The following ZNF804B variants were observed in gnomAD, a reference collection of about 807,000 sequenced individuals.
ZNF804B encodes zinc finger protein 804B.
In ZNF804B, 80 loss-of-function variants were observed where a neutral mutation model predicts 101.4. That is an observed-to-expected ratio of 0.79 (90% confidence interval 0.66 to 0.95). ZNF804B has a LOEUF of 0.95. Ranked by LOEUF, ZNF804B falls within the 40% of genes least tolerant of loss-of-function variation. ZNF804B has a pLI of 0.00. For synonymous variants in ZNF804B, 622 were observed against 558.8 expected, an observed-to-expected ratio of 1.11 and a Z score of -1.59; for missense variants, 1,673 against 1,561.9, an observed-to-expected ratio of 1.07 and a Z score of -1.20.
intron 1 of ZNF804B, among the ~76,000 whole-genome samples, chr7:89,057,376 G>A (rs1289028012): frequency 1.3e-5 from 2 of 151,990 alleles, no homozygotes; most frequent in African/African-American, 4.8e-5. Context: ...CCCTGGGGAG[G>A]GGGCAGTTTC....
intron 1 of ZNF804B, among the ~76,000 whole-genome samples, chr7:89,028,855 A>G (rs1788787583): frequency 6.6e-6 from 1 of 152,148 alleles, no homozygotes; most frequent in Non-Finnish European, 1.5e-5. Context: ...ACCTGGAACA[A>G]TTTAAGTGCT....
chr7:89,279,036 G>T (rs1434245915), intron 2 of ZNF804B, among the ~76,000 whole-genome samples: 7 of 152,148 alleles, frequency 4.6e-5, no homozygotes, highest in African/African-American at 1.7e-4. Flanking sequence ...TTGAGCAGTG[G>T]TTTGTAGTTC....
rs572574192 is a variant in ZNF804B, at chr7:88,925,279, G to A, written c.108+165195G>A. Among the ~76,000 whole-genome samples, 15 of 152,178 alleles carry A rather than the reference G, an allele frequency of 9.9e-5. No individual in the cohort carries two copies. In the East Asian group the frequency reaches 1.4e-3, roughly 14 times the overall value. ...CAATCTCAGGCCCTGTGCCACTGCC[G>A]AGGCGACTGCTGCTTCCTACCTGTT... On this transcript the variant is annotated intron_variant, in intron 1 of 3. Transcript: ENST00000333190.
chr7:89,334,006 G>T lies in ZNF804B; in HGVS notation c.1024G>T (p.Glu342Ter), dbSNP rs778624854. 25 of 1,613,292 alleles carry T rather than the reference G, an allele frequency of 1.5e-5. No individual in the cohort carries two copies. Among genetic ancestry groups the T allele is most frequent in the Non-Finnish European group, 2.0e-5 (24 of 1,179,692 alleles). The change falls in exon 4 of 4, where the codon GAA becomes TAA. Residue 342 changes from glutamate to a stop codon, truncating the protein, a stop_gained. Coordinates refer to ENST00000333190, the MANE Select transcript of ZNF804B (RefSeq NM_181646.5). LOFTEE classifies it high-confidence loss of function. Reference protein sequence around the residue: ...SDVDFTPTSREKETRNTLKNT... With the variant: ...SDVDFTPTSR Reference sequence around the variant, plus strand: ...TGTAGATTTTACTCCTACCAGCAGAGAAAAAGAAACTAGAAATACATTGAA... The same window carrying T: ...TGTAGATTTTACTCCTACCAGCAGATAAAAAGAAACTAGAAATACATTGAA...
At chr7:89,038,947 T>G (rs1024767571) in intron 1 of ZNF804B, among the ~76,000 whole-genome samples, 1 of 152,112 alleles carries the variant, frequency 6.6e-6, no homozygotes, top group Non-Finnish European at 1.5e-5. Context: ...GTGGCATTTT[T>G]ACTGATGAAC....
intron 1 of ZNF804B, among the ~76,000 whole-genome samples, chr7:89,092,075 T>C (rs1219922527): frequency 1.3e-5 from 2 of 152,164 alleles, no homozygotes. Context: ...CCCATTGTTC[T>C]GGAGGCTGAG....
chr7:88,935,665 A>T (rs1035731854), intron 1 of ZNF804B, among the ~76,000 whole-genome samples: 2 of 152,032 alleles, frequency 1.3e-5, no homozygotes, highest in African/African-American at 4.8e-5. Context: ...AATGTCCAAG[A>T]TGCCATATTT....
intron 1 of ZNF804B, among the ~76,000 whole-genome samples, chr7:89,011,237 C>A (rs1788457243): frequency 1.3e-5 from 2 of 152,136 alleles, no homozygotes; most frequent in Non-Finnish European, 2.9e-5. Flanking sequence ...AAAACCCTTC[C>A]CATGATCCAA....
chr7:88,935,525 T>C (rs760998292), intron 1 of ZNF804B, among the ~76,000 whole-genome samples: 41 of 151,076 alleles, frequency 2.7e-4, no homozygotes, highest in Middle Eastern at 3.4e-3. Flanking sequence ...TCTATTTATT[T>C]TTTATTAATT....
intron 1 of ZNF804B, among the ~76,000 whole-genome samples, chr7:88,810,165 G>A (rs1422334933): frequency 6.6e-6 from 1 of 151,778 alleles, no homozygotes; most frequent in Non-Finnish European, 1.5e-5. Flanking sequence ...TTAGTTAACA[G>A]GTATCCCTGA....
intron 1 of ZNF804B, among the ~76,000 whole-genome samples, chr7:88,785,967 A>T (rs1164221939): frequency 6.6e-6 from 1 of 152,032 alleles, no homozygotes; most frequent in Admixed American, 6.6e-5. Flanking sequence ...CACTTATTAT[A>T]ATTGTTTAAT....
At chr7:88,952,732 A>G (rs1176699978) in intron 1 of ZNF804B, among the ~76,000 whole-genome samples, 1 of 151,836 alleles carries the variant, frequency 6.6e-6, no homozygotes, top group African/African-American at 2.4e-5. Context: ...TAATTCCCAT[A>G]GATGCCTTTG....
intron 2 of ZNF804B, among the ~76,000 whole-genome samples, chr7:89,298,126 AAT>A (rs58674861): frequency 0.9 from 107,721 of 120,176 alleles, 48,386 homozygotes; most frequent in East Asian, 0.99. Context: ...ATTTCATATA[AAT>A]ATATATATAT....
intron 1 of ZNF804B, among the ~76,000 whole-genome samples, chr7:89,174,466 G>T (rs1791287617): frequency 6.6e-6 from 1 of 151,962 alleles, no homozygotes; most frequent in Non-Finnish European, 1.5e-5. Context: ...ACTCCATTGT[G>T]CATATGTACC....
intron 1 of ZNF804B, among the ~76,000 whole-genome samples, chr7:89,059,414 G>T (rs1020376010): frequency 4.6e-5 from 7 of 152,106 alleles, no homozygotes; most frequent in Non-Finnish European, 7.4e-5. Flanking sequence ...AGGATAGTAG[G>T]CGTGTCACAT....
At chr7:88,774,981 T>C (rs1350331790) in intron 1 of ZNF804B, among the ~76,000 whole-genome samples, 1 of 152,140 alleles carries the variant, frequency 6.6e-6, no homozygotes, top group Non-Finnish European at 1.5e-5. Context: ...TCACAAACAT[T>C]TTGGGGTCCT....
At chr7:88,984,112 T>C (rs938251037) in intron 1 of ZNF804B, among the ~76,000 whole-genome samples, 10 of 152,124 alleles carry the variant, frequency 6.6e-5, no homozygotes, top group African/African-American at 2.4e-4. Context: ...TTTGTCTGCC[T>C]TCCAAGTCCA....
intron 1 of ZNF804B, among the ~76,000 whole-genome samples, chr7:88,853,580 T>C (rs1791476614): frequency 6.6e-6 from 1 of 152,136 alleles, no homozygotes; most frequent in South Asian, 2.1e-4. Flanking sequence ...AGTCAATATC[T>C]CTCTAAAATG....
intron 1 of ZNF804B, among the ~76,000 whole-genome samples, chr7:88,869,446 T>G (rs774372804): frequency 6.6e-6 from 1 of 152,176 alleles, no homozygotes; most frequent in Non-Finnish European, 1.5e-5. Flanking sequence ...ATGACACTTT[T>G]CAACATTTCC....
Sources: gnomAD v4.1 joint callset for allele counts (sites outside exome capture counted in the v4.1 genomes callset) on GRCh38, gnomAD v4.1.1 for gene constraint, MANE v1.5 for transcripts, NCBI Gene and HGNC (gene_info 2026-07-23, HGNC 2026-07-21) for gene names.